CUL9: variants seen among roughly 807,000 people sequenced by gnomAD.
The protein encoded by CUL9 is cullin 9.
In CUL9, 79 loss-of-function variants were observed where a neutral mutation model predicts 272.6. The ratio of observed to expected loss-of-function variants is 0.29; its 90% CI spans 0.24 to 0.35. CUL9 has a LOEUF of 0.35. Ranked by LOEUF, CUL9 falls within the 10% of genes least tolerant of loss-of-function variation. CUL9 has a pLI of 1.00. For synonymous variants in CUL9, 1,186 were observed against 1,286.5 expected, an observed-to-expected ratio of 0.92 and a Z score of 1.67; for missense variants, 2,532 against 3,255.6, an observed-to-expected ratio of 0.78 and a Z score of 5.41.
Position 43,212,958 on chromosome 6 carries a change from C to T in CUL9, c.5213-191C>T, listed in dbSNP as rs1775638736. 2.3e-5 allele frequency: 14 copies of T among 620,278 alleles called. No homozygotes were observed. The South Asian group carries it at 2.8e-4, about 13-fold the overall frequency. 38.4% of individuals were successfully genotyped at this position (620,278 alleles called of 1,614,324 possible). On this transcript the variant is annotated intron_variant, in intron 26 of 40. Coordinates refer to ENST00000252050, the MANE Select transcript of CUL9 (RefSeq NM_015089.4). Reference sequence around the variant, plus strand: ...GGTCTAGGGATGGGCTCCTAGATACCCGTGGCTCATCAGGGAGGCAGGCGC... The same window carrying T: ...GGTCTAGGGATGGGCTCCTAGATACTCGTGGCTCATCAGGGAGGCAGGCGC...
In CUL9 at chr6:43,223,003, T is replaced by A. The variant is rs1231988551; in HGVS notation, c.7150+107T>A. 1.0e-6 allele frequency: 1 copy of A among 979,502 alleles called. No individual in the cohort carries two copies. The highest frequency in any genetic ancestry group is 1.6e-6 in the Non-Finnish European group (1 of 639,312). 60.7% of individuals were successfully genotyped at this position (979,502 alleles called of 1,614,324 possible). On this transcript the variant is annotated intron_variant, in intron 38 of 40. Transcript: ENST00000252050. The surrounding 1 kb of genome is among the most constrained non-coding windows in gnomAD (Gnocchi z 4.1). ...CGGCACCCTTACCTTCCCTCTCTCCTCTTCCTCTTCATTCTTCATGGCCTT... is the reference window on the plus strand; with the variant it reads ...CGGCACCCTTACCTTCCCTCTCTCCACTTCCTCTTCATTCTTCATGGCCTT...
At position 43,215,427 on chromosome 6, in the gene CUL9, T is replaced by A. The variant is rs557619797; in HGVS notation, c.5936+101T>A. 1.1e-4 allele frequency: 165 copies of A among 1,448,980 alleles called. No homozygotes were observed. The South Asian group carries it at 1.3e-3, about 12-fold the overall frequency. The allele number at this position is 1,448,980 out of a possible 1,614,324, so 89.8% of individuals were successfully genotyped here. ...ACACTTCCCTTCTTTCTTTGTCTGATCCCCTTTTCCCTATCCCTGTTATTT... is the reference window on the plus strand; with the variant it reads ...ACACTTCCCTTCTTTCTTTGTCTGAACCCCTTTTCCCTATCCCTGTTATTT... On this transcript the variant is annotated intron_variant, in intron 30 of 40. Transcript: ENST00000252050.
rs143985757 is a variant in CUL9, at chr6:43,198,499, A to G, written c.2804-110A>G. ...TTGGTTAAAAACTATAGACATCCTC[A>G]ATATAGAAGGAAAATTTTGGGGTGA... On this transcript the variant is annotated intron_variant, in intron 11 of 40. Transcript: ENST00000252050. The G allele has an allele frequency of 3.8e-4, 586 of 1,527,656 alleles. 2 individuals carry two copies. In the African/African-American group the frequency reaches 7.4e-3, roughly 19 times the overall value. 94.6% of individuals were successfully genotyped at this position (1,527,656 alleles called of 1,614,324 possible). A position where few individuals can be genotyped will look rare whatever the true frequency, so the allele number is the denominator to read the frequency against.
intron 8 of CUL9, among the ~76,000 whole-genome samples, chr6:43,191,955 T>G (rs1378037008): frequency 6.6e-6 from 1 of 151,656 alleles, no homozygotes; most frequent in Non-Finnish European, 1.5e-5. Context: ...ATCTCTCTTC[T>G]CATCTATTGA....
intron 8 of CUL9, among the ~76,000 whole-genome samples, chr6:43,189,383 A>C (rs1323255052): frequency 2.0e-5 from 3 of 151,750 alleles, no homozygotes; most frequent in Non-Finnish European, 4.4e-5. Context: ...ACAGGGTTTC[A>C]TCATGTTTGC....
intron 9 of CUL9, among the ~76,000 whole-genome samples, chr6:43,194,790 T>A (rs1019053170): frequency 6.6e-6 from 1 of 151,244 alleles, no homozygotes; most frequent in Non-Finnish European, 1.5e-5. Flanking sequence ...GTGTGGTGGC[T>A]CACGCCTGTA....
At chr6:43,201,077 G>A (rs772670960) in intron 16 of CUL9, among the ~76,000 whole-genome samples, 10 of 152,222 alleles carry the variant, frequency 6.6e-5, no homozygotes, top group Admixed American at 5.2e-4. Flanking sequence ...AGTGTTGAGG[G>A]AGATAAACAG....
chr6:43,185,712 CTTG>C, intron 3 of CUL9, 102 bp downstream of exon 3: 1 of 1,373,908 alleles, frequency 7.3e-7, no homozygotes, highest in South Asian at 1.4e-5. Context: ...CACCTGGGAA[CTTG>C]TTAACATGAA....
rs867548711 is a variant in CUL9, at chr6:43,184,350, T to G, written c.40T>G (p.Leu14Val). 6.3e-7 allele frequency: 1 copy of G among 1,579,588 alleles called. No individual in the cohort carries two copies. The highest frequency in any genetic ancestry group is 8.6e-7 in the Non-Finnish European group (1 of 1,159,124). ...GCATGCTGGGGACCTCATGGTGCCC[T>G]TAGGGCCTCGGCTGCAGGCATATCC... ...ERHAGDLMVP[L>V]GPRLQAYPEE... Residue 14 changes from leucine (L) to valine (V), a missense_variant, in exon 2 of 41, where the codon TTA (leucine) becomes GTA (valine). Leu to Val is a conservative substitution (Grantham distance 32). Around this residue, in one of 3 missense-constraint regions of CUL9, gnomAD observed 2,218 missense variants for 2,788.6 expected, o/e 0.80. Coordinates refer to ENST00000252050, the MANE Select transcript of CUL9 (RefSeq NM_015089.4). The surrounding 1 kb of genome is among the most constrained non-coding windows in gnomAD (Gnocchi z 4.8).
At chr6:43,222,259 T>G in intron 35 of CUL9, 57 bp from the exon 36 acceptor site, 1 of 1,434,166 alleles carries the variant, frequency 7.0e-7, no homozygotes, top group Non-Finnish European at 9.8e-7. Context: ...TTCCACTTAT[T>G]AACTCCCTCC....
In CUL9 at chr6:43,186,208, G is replaced by A. The variant is rs760733396; in HGVS notation, c.1004G>A (p.Arg335Gln). 5.6e-6 allele frequency: 9 copies of A among 1,614,180 alleles called. 1 individual carries two copies. The highest frequency in any genetic ancestry group is 5.5e-5 in the South Asian group (5 of 91,084). The change falls in exon 4 of 41, where the codon CGG (arginine) becomes CAG (glutamine). Residue 335 changes from arginine (R) to glutamine (Q), a missense_variant. This residue lies in a region of CUL9 where 2,218 missense variants were observed against 2,788.6 expected (regional missense o/e 0.80). Coordinates refer to ENST00000252050, the MANE Select transcript of CUL9 (RefSeq NM_015089.4). ...EQGMSPPRPT[R>Q]SIFQPYISGP... ...GGCATGTCACCTCCCCGGCCAACCC[G>A]GTCCATCTTTCAGCCCTACATTTCA...
intron 26 of CUL9, among the ~76,000 whole-genome samples, chr6:43,207,056 C>G (rs12204368): frequency 0.073 from 11,127 of 152,204 alleles, 554 homozygotes; most frequent in African/African-American, 0.14. Flanking sequence ...GTTAACCAGG[C>G]TGGTCTCAAA....
intron 1 of CUL9, among the ~76,000 whole-genome samples, chr6:43,182,735 C>T (rs888951015): frequency 2.6e-5 from 4 of 152,128 alleles, no homozygotes; most frequent in Admixed American, 1.3e-4. Context: ...CACCTCTACT[C>T]TCATCTTCTG....
Position 43,221,638 on chromosome 6 carries a change from C to A in CUL9, c.6753-47C>A, listed in dbSNP as rs759307974. On this transcript the variant is annotated intron_variant, in intron 34 of 40. Coordinates refer to ENST00000252050, the MANE Select transcript of CUL9 (RefSeq NM_015089.4). This position sits in a 1 kb window ranked among gnomAD's most constrained non-coding sequence, Gnocchi z 4.2. ...CTGGGCCCTTGGCATTCCTGGCACA[C>A]CCCTGCCCAGAGGCAGGAGTCCCTG... is the stretch of plus-strand genomic sequence containing the variant. 6.1e-4 allele frequency: 958 copies of A among 1,566,364 alleles called. 2 individuals carry two copies. The African/African-American group carries it at 0.011, about 18-fold the overall frequency.
chr6:43,213,703 C>T lies in CUL9; in HGVS notation c.5489-10C>T, dbSNP rs59641386. 3.2e-3 allele frequency: 5,200 copies of T among 1,611,022 alleles called. 122 individuals are homozygous for T. The African/African-American group carries it at 0.055, about 17-fold the overall frequency. On this transcript the variant is annotated splice_polypyrimidine_tract_variant and intron_variant, in intron 28 of 40. Coordinates refer to ENST00000252050, the MANE Select transcript of CUL9 (RefSeq NM_015089.4). This position sits in a 1 kb window ranked among gnomAD's most constrained non-coding sequence, Gnocchi z 5.7. ...GCCTCCTCTGGTACCTGACCGGGAGCGGGTTCCAGGTGTGCTGCGGCTTCA... is the reference window on the plus strand; with the variant it reads ...GCCTCCTCTGGTACCTGACCGGGAGTGGGTTCCAGGTGTGCTGCGGCTTCA...
rs1774355157 is a variant in CUL9, at chr6:43,199,783, C to G, written c.3157-146C>G. 3.0e-6 allele frequency: 2 copies of G among 673,936 alleles called. No individual in the cohort carries two copies. The highest frequency in any genetic ancestry group is 2.4e-5 in the Admixed American group (1 of 41,154). The allele number at this position is 673,936 out of a possible 1,614,324, so 41.7% of individuals were successfully genotyped here. A position where few individuals can be genotyped will look rare whatever the true frequency, so the allele number is the denominator to read the frequency against. The stretch of plus-strand genomic sequence containing the variant: ...CCAGCACTCCTCTATTTTACTCCAC[C>G]CTGAATTTGGTACTCTTGTTTCCCT... On this transcript the variant is annotated intron_variant, in intron 13 of 40. Transcript: ENST00000252050. This position sits in a 1 kb window ranked among gnomAD's most constrained non-coding sequence, Gnocchi z 4.4.
At chr6:43,185,344 G>T in intron 2 of CUL9, 112 bp from the exon 3 acceptor site, 1 of 1,042,774 alleles carries the variant, frequency 9.6e-7, no homozygotes, top group Non-Finnish European at 1.4e-6. Flanking sequence ...TTCTTTCTGT[G>T]AGCCTTAGTA....
intron 31 of CUL9, among the ~76,000 whole-genome samples, chr6:43,216,989 T>C (rs1363264710): frequency 6.6e-6 from 1 of 152,222 alleles, no homozygotes; most frequent in African/African-American, 2.4e-5. Context: ...GTTGCCCTTA[T>C]TACCATTTAA....
At chr6:43,188,300 CCCTT>C (rs1485244291) in intron 7 of CUL9, 182 bp downstream of exon 7, 8 of 821,894 alleles carry the variant, frequency 9.7e-6, no homozygotes, top group South Asian at 3.7e-5. Flanking sequence ...AACCAGCGCT[CCCTT>C]CCTTCAGTAT....
Sources: allele counts gnomAD v4.1 joint callset (sites outside exome capture counted in the v4.1 genomes callset), GRCh38; gene constraint gnomAD v4.1.1; regional missense constraint gnomAD v4.1.1; non-coding constraint Gnocchi (gnomAD v3.1); transcripts MANE v1.5; gene names NCBI Gene and HGNC (gene_info 2026-07-23, HGNC 2026-07-21).